ARNT: variants seen among roughly 807,000 people sequenced by gnomAD.
The protein encoded by ARNT is class E basic helix-loop-helix protein 2.
Under a neutral mutation model 105.0 loss-of-function variants are expected in ARNT, and 30 were observed. That is an observed-to-expected ratio of 0.29 (90% CI 0.21 to 0.39). The LOEUF (loss-of-function observed/expected upper bound fraction) is 0.39. Among genes scored for constraint, ARNT ranks in the 10% least tolerant of loss-of-function variants. The pLI is 1.00. For missense variants in ARNT, 748 were observed against 978.7 expected, an observed-to-expected ratio of 0.76 and a Z score of 3.15; for synonymous variants, 304 against 344.0, an observed-to-expected ratio of 0.88 and a Z score of 1.29.
intron 2 of ARNT, among the ~76,000 whole-genome samples, chr1:150,857,487 A>G (rs958518618): frequency 6.6e-6 from 1 of 152,188 alleles, no homozygotes; most frequent in Non-Finnish European, 1.5e-5. Context: ...AAGTCTTAAT[A>G]TGTTACTCAT....
chr1:150,857,702 C>A (rs1475440477), intron 2 of ARNT, among the ~76,000 whole-genome samples: 1 of 152,212 alleles, frequency 6.6e-6, no homozygotes, highest in Non-Finnish European at 1.5e-5. Context: ...TCTTTACCAA[C>A]AAATGCATAT....
chr1:150,849,091 T>C (rs1352970481), intron 3 of ARNT, among the ~76,000 whole-genome samples: 1 of 151,914 alleles, frequency 6.6e-6, no homozygotes, highest in Non-Finnish European at 1.5e-5. Context: ...TAATCCCAGC[T>C]ACTCGGGAGG....
rs907945570 is a variant in ARNT, at chr1:150,810,446, T to C, written c.*1575A>G. ...TAAGTGTGCACATAGAATAAAAAAA[T>C]AAACTGTCTCCTTTTTTACTCCACT... On this transcript the variant is annotated 3_prime_UTR_variant, in exon 22 of 22. Coordinates refer to ENST00000358595, the MANE Select transcript of ARNT (RefSeq NM_001668.4). 9.0e-6 allele frequency: 2 copies of C among 222,782 alleles called. No homozygotes were observed. Among genetic ancestry groups the C allele is most frequent in the African/African-American group, 4.5e-5 (2 of 44,712 alleles). The allele number at this position is 222,782 out of a possible 1,614,324, so 13.8% of individuals were successfully genotyped here.
At chr1:150,819,986 A>G (rs1656726562) in intron 14 of ARNT, among the ~76,000 whole-genome samples, 1 of 152,232 alleles carries the variant, frequency 6.6e-6, no homozygotes, top group South Asian at 2.1e-4. Flanking sequence ...GAAAAGTGCA[A>G]AAGAGAGGAA....
chr1:150,810,084 A>T lies in ARNT; in HGVS notation c.*1937T>A. ...ATAAAGCCGCAATCAAGATCACACA[A>T]CACAAGAAATTTTACAAAAGGAAAA... is the stretch of plus-strand genomic sequence containing the variant. On this transcript the variant is annotated 3_prime_UTR_variant, in exon 22 of 22. Transcript: ENST00000358595. 1 of 230,460 alleles carries T rather than the reference A, an allele frequency of 4.3e-6. No individual in the cohort carries two copies. The allele number at this position is 230,460 out of a possible 1,614,324, so 14.3% of individuals were successfully genotyped here.
chr1:150,811,881 GC>G lies in ARNT; in HGVS notation c.*139del, dbSNP rs1439618628. ...AGAGAGGCAACAGAGCAGGGGAACA[GC>G]CAGAAGGGAAAGGGGGTACATGTCA... On this transcript the variant is annotated 3_prime_UTR_variant, in exon 22 of 22. Transcript: ENST00000358595. The G allele has an allele frequency of 8.1e-6, 4 of 492,138 alleles. No homozygotes were observed. The highest frequency in any genetic ancestry group is 1.4e-5 in the Non-Finnish European group (4 of 294,912). 30.5% of individuals were successfully genotyped at this position (492,138 alleles called of 1,614,324 possible).
rs114890674 is a variant in ARNT, at chr1:150,855,906, G to A, written c.137+2443C>T. ...GGCAACAGAGCAAGACTCTGTCTCC[G>A]AAATGTGTGTGTGTGTGTATTGCTT... On this transcript the variant is annotated intron_variant, in intron 2 of 21. Transcript: ENST00000358595. Among the ~76,000 whole-genome samples, 1,169 of 151,174 alleles carry A rather than the reference G, an allele frequency of 7.7e-3. 6 individuals are homozygous for A. The highest frequency in any genetic ancestry group is 0.011 in the Non-Finnish European group (717 of 67,674).
chr1:150,843,476 G>T (rs1661628798), intron 4 of ARNT, among the ~76,000 whole-genome samples: 1 of 152,196 alleles, frequency 6.6e-6, no homozygotes, highest in African/African-American at 2.4e-5. Flanking sequence ...ATATGGGAAT[G>T]TTTTTATAAA....
chr1:150,861,855 T>C (rs1665699630), intron 1 of ARNT, among the ~76,000 whole-genome samples: 1 of 152,268 alleles, frequency 6.6e-6, no homozygotes, highest in Admixed American at 6.5e-5. Context: ...CAGTGTTCTG[T>C]AAATTACATA....
chr1:150,811,174 G>C lies in ARNT; in HGVS notation c.*847C>G, dbSNP rs1344038540. The C allele has an allele frequency of 4.3e-6, 1 of 233,506 alleles. No individual in the cohort carries two copies. Among genetic ancestry groups the C allele is most frequent in the Non-Finnish European group, 8.5e-6 (1 of 117,940 alleles). 14.5% of individuals were successfully genotyped at this position (233,506 alleles called of 1,614,324 possible). ...TAAGGTGAGAGCACCAAAAGCAGCAGTAACCCAGCTTTATCACTGAATGTG... is the reference window on the plus strand; with the variant it reads ...TAAGGTGAGAGCACCAAAAGCAGCACTAACCCAGCTTTATCACTGAATGTG... On this transcript the variant is annotated 3_prime_UTR_variant, in exon 22 of 22. Transcript: ENST00000358595.
chr1:150,836,583 C>T, intron 6 of ARNT, 90 bp from the exon 7 acceptor site: 1 of 1,302,532 alleles, frequency 7.7e-7, no homozygotes, highest in Non-Finnish European at 1.0e-6. Flanking sequence ...CTTCAGGCCA[C>T]ATGCATCTCT....
intron 4 of ARNT, among the ~76,000 whole-genome samples, chr1:150,845,797 G>C (rs1230954249): frequency 6.6e-6 from 1 of 152,148 alleles, no homozygotes; most frequent in Non-Finnish European, 1.5e-5. Flanking sequence ...AGCTACTCAG[G>C]AGGCTGAGGC....
intron 14 of ARNT, among the ~76,000 whole-genome samples, chr1:150,822,868 GA>G (rs1391801008): frequency 6.6e-6 from 1 of 152,142 alleles, no homozygotes; most frequent in African/African-American, 2.4e-5. Flanking sequence ...GAACTGAATT[GA>G]ATGGAAGGAC....
intron 1 of ARNT, among the ~76,000 whole-genome samples, chr1:150,871,294 GTTTTTTT>G (rs754698911): frequency 3.2e-5 from 3 of 94,620 alleles, no homozygotes; most frequent in East Asian, 3.5e-4. Flanking sequence ...GGCAGTCGTG[GTTTTTTT>G]TTTTTTTTTT....
intron 20 of ARNT, among the ~76,000 whole-genome samples, chr1:150,813,857 C>T (rs587631605): frequency 1.6e-4 from 24 of 152,190 alleles, no homozygotes; most frequent in African/African-American, 5.8e-4. Context: ...AACTCCCAAC[C>T]TCAAGTGATC....
intron 5 of ARNT, among the ~76,000 whole-genome samples, chr1:150,841,637 A>G (rs1025428571): frequency 6.6e-6 from 1 of 152,176 alleles, no homozygotes; most frequent in Non-Finnish European, 1.5e-5. Flanking sequence ...ATACTAGAAA[A>G]CAGAAAAGTC....
intron 15 of ARNT, 30 bp downstream of exon 15, chr1:150,817,890 T>C: frequency 3.9e-6 from 6 of 1,553,540 alleles, no homozygotes; most frequent in Non-Finnish European, 5.3e-6. Flanking sequence ...GGGTGACTGC[T>C]CAACAGATGA....
Position 150,823,325 on chromosome 1 carries a change from T to C in ARNT, c.1263A>G (p.Gln421=). ...SFQQVVKLKG[Q]VLSVMFRFRS... ...GGAACCGGAACATGACAGACAGCAC[T>C]TGGCCTTTTAATTTCACTACCTGAA... is the stretch of plus-strand genomic sequence containing the variant. Residue 421 remains glutamine, a synonymous_variant, in exon 14 of 22, where the codon CAA becomes CAG. Transcript: ENST00000358595. 7 of 1,605,280 alleles carry C rather than the reference T, an allele frequency of 4.4e-6. No homozygotes were observed. The highest frequency in any genetic ancestry group is 5.1e-6 in the Non-Finnish European group (6 of 1,174,314).
At chr1:150,817,015 G>A in intron 17 of ARNT, 67 bp downstream of exon 17, 1 of 1,607,362 alleles carries the variant, frequency 6.2e-7, no homozygotes, top group Admixed American at 1.7e-5. Flanking sequence ...TACTGACTGG[G>A]CAGTGGCATG....
Sources: gnomAD v4.1 joint callset for allele counts (sites outside exome capture counted in the v4.1 genomes callset) on GRCh38, gnomAD v4.1.1 for gene constraint, MANE v1.5 for transcripts, NCBI Gene and HGNC (gene_info 2026-07-23, HGNC 2026-07-21) for gene names.